The following TLL1 variants were observed in gnomAD, a reference collection of about 807,000 sequenced individuals.
TLL1 encodes tolloid-like protein 1.
Under a neutral mutation model 128.2 loss-of-function variants are expected in TLL1, and 49 were observed. The ratio of observed to expected loss-of-function variants is 0.38; its 90% CI spans 0.30 to 0.48. The LOEUF (loss-of-function observed/expected upper bound fraction) is 0.48. Ranked by LOEUF, TLL1 falls within the 20% of genes least tolerant of loss-of-function variation. The pLI is 0.96. For missense variants in TLL1, 1,123 were observed against 1,242.0 expected (o/e 0.90, Z 1.44); for synonymous variants, 454 against 418.8 (o/e 1.08, Z -1.03).
At chr4:165,976,083 ATCAC>A (rs1735872997) in intron 1 of TLL1, among the ~76,000 whole-genome samples, 1 of 149,238 alleles carries the variant, frequency 6.7e-6, no homozygotes, top group African/African-American at 2.5e-5. Flanking sequence ...GATTCCTGCC[ATCAC>A]TACTTATATT....
rs577879032 is a variant in TLL1 at position 166,021,294 on chromosome 4, A to C, written c.1043-4022A>C. On this transcript the variant is annotated intron_variant, in intron 8 of 20. Transcript: ENST00000061240. ...ATGTTTATTCATCTACCCAGCAGAT[A>C]TTCCCTCATTTAGTGAATGGTTGCC... Among the ~76,000 whole-genome samples the C allele has an allele frequency of 2.6e-5, 4 of 151,826 alleles. No individual in the cohort carries two copies. The South Asian group carries it at 8.3e-4, about 32-fold the overall frequency.
intron 1 of TLL1, 78 bp from the exon 2 acceptor site, chr4:165,989,303 A>C (rs113853880): frequency 2.7e-6 from 3 of 1,091,430 alleles, no homozygotes; most frequent in Non-Finnish European, 4.1e-6. Flanking sequence ...TATTTTTAAC[A>C]ATGCTTTTCT....
At chr4:165,894,842 A>T (rs1340378388) in intron 1 of TLL1, among the ~76,000 whole-genome samples, 20 of 142,112 alleles carry the variant, frequency 1.4e-4, no homozygotes, top group African/African-American at 4.9e-4. Flanking sequence ...TCAAATGATG[A>T]GTGTGTGTGT....
chr4:166,026,965 A>G (rs1048679711), intron 9 of TLL1, among the ~76,000 whole-genome samples: 4 of 152,224 alleles, frequency 2.6e-5, no homozygotes, highest in African/African-American at 9.6e-5. Flanking sequence ...AGTATTCACA[A>G]TAGCAAAAAC....
At chr4:165,977,054 T>C (rs1380424047) in intron 1 of TLL1, among the ~76,000 whole-genome samples, 2 of 152,086 alleles carry the variant, frequency 1.3e-5, no homozygotes, top group Non-Finnish European at 2.9e-5. Context: ...TCTTTAACTA[T>C]AACAAAAGAA....
At chr4:165,959,228 G>A (rs979975971) in intron 1 of TLL1, among the ~76,000 whole-genome samples, 1 of 152,064 alleles carries the variant, frequency 6.6e-6, no homozygotes, top group African/African-American at 2.4e-5. Context: ...CTTTAAAGTA[G>A]TTTTTTCCAA....
chr4:165,954,137 C>T lies in TLL1; in HGVS notation c.170-35244C>T, dbSNP rs139106122. On this transcript the variant is annotated intron_variant, in intron 1 of 20. Coordinates refer to ENST00000061240, the MANE Select transcript of TLL1 (RefSeq NM_012464.5). ...CTGGCTTCATTCAAATATTCACTAA[C>T]TGGCTGGATATCAGAATATTGCCAA... 2.7e-3 allele frequency among the ~76,000 whole-genome samples: 408 copies of T among 152,242 alleles called. 6 individuals carry two copies. The highest frequency in any genetic ancestry group is 9.2e-3 in the African/African-American group (383 of 41,550).
chr4:166,037,441 G>A (rs1194335916), intron 9 of TLL1, among the ~76,000 whole-genome samples: 2 of 152,002 alleles, frequency 1.3e-5, no homozygotes, highest in African/African-American at 4.8e-5. Context: ...CTTACAATGA[G>A]GTGAAGAAAA....
intron 19 of TLL1, among the ~76,000 whole-genome samples, chr4:166,094,469 C>T (rs1225030296): frequency 7.0e-6 from 1 of 142,984 alleles, no homozygotes; most frequent in African/African-American, 3.0e-5. Context: ...TTTTATTTCC[C>T]TGTTTCATTC....
intron 12 of TLL1, among the ~76,000 whole-genome samples, chr4:166,047,255 C>T (rs985812389): frequency 6.6e-6 from 1 of 151,530 alleles, no homozygotes; most frequent in Non-Finnish European, 1.5e-5. Context: ...ACCTCCACCT[C>T]CCAGGTTCAA....
chr4:166,026,532 C>T (rs1738499031), intron 9 of TLL1, among the ~76,000 whole-genome samples: 2 of 152,070 alleles, frequency 1.3e-5, no homozygotes, highest in Admixed American at 6.5e-5. Context: ...ACAAAAAATA[C>T]AAAAATTAGC....
intron 9 of TLL1, among the ~76,000 whole-genome samples, chr4:166,026,793 A>G (rs923476513): frequency 6.6e-5 from 10 of 152,214 alleles, no homozygotes; most frequent in Admixed American, 2.0e-4. Flanking sequence ...AACATTTGGG[A>G]AAAAAATTTA....
chr4:165,949,144 AC>A (rs1333372018), intron 1 of TLL1, among the ~76,000 whole-genome samples: 1 of 152,170 alleles, frequency 6.6e-6, no homozygotes, highest in Admixed American at 6.6e-5. Flanking sequence ...GAGACTGGGA[AC>A]ATGAGAAAGA....
chr4:165,992,819 A>G lies in TLL1; in HGVS notation c.296A>G (p.His99Arg). Residue 99 changes from histidine to arginine, a missense_variant, in exon 3 of 21, where the codon CAT becomes CGT. Transcript: ENST00000061240. ...ATTCTTTAAGGTGGACTTGGAGACC[A>G]TGCTATGTCAAAGAAGCGAGGGGCC... ...LGHTTGGLGD[H>R]AMSKKRGALY... The G allele has an allele frequency of 6.2e-7, 1 of 1,613,300 alleles. No individual in the cohort carries two copies. The highest frequency in any genetic ancestry group is 8.5e-7 in the Non-Finnish European group (1 of 1,179,390).
chr4:165,975,710 A>G (rs1735844068), intron 1 of TLL1, among the ~76,000 whole-genome samples: 4 of 152,144 alleles, frequency 2.6e-5, no homozygotes, highest in South Asian at 2.1e-4. Flanking sequence ...AGCTAAAACC[A>G]TAGTCAATGG....
Position 165,873,915 on chromosome 4 carries a change from G to A in TLL1, c.11G>A (p.Gly4Glu). The change falls in exon 1 of 21, where the codon GGA becomes GAA. Residue 4 changes from glycine (G) to glutamate (E), a missense_variant. Gly to Glu is a moderately conservative substitution (Grantham distance 98). Transcript: ENST00000061240. MGLGTLSPRMLVWL... is the reference protein window; with the variant it reads MGLETLSPRMLVWL... ...CTCCGGGGGAGGAGGATGGGGTTGG[G>A]AACGCTTTCCCCGAGGATGCTCGTG... 7 of 1,613,954 alleles carry A rather than the reference G, an allele frequency of 4.3e-6. No homozygotes were observed. The highest frequency in any genetic ancestry group is 5.1e-6 in the Non-Finnish European group (6 of 1,180,022).
intron 1 of TLL1, among the ~76,000 whole-genome samples, chr4:165,926,355 A>G (rs759321776): frequency 3.3e-5 from 5 of 152,232 alleles, no homozygotes; most frequent in African/African-American, 9.6e-5. Flanking sequence ...ACTTGAAGTC[A>G]TGATACTTAA....
chr4:165,967,932 G>T (rs900523209), intron 1 of TLL1, among the ~76,000 whole-genome samples: 3 of 152,166 alleles, frequency 2.0e-5, no homozygotes, highest in Non-Finnish European at 4.4e-5. Flanking sequence ...CCTATTTAAG[G>T]TTTATTTGGA....
intron 1 of TLL1, among the ~76,000 whole-genome samples, chr4:165,959,115 C>G (rs1030407681): frequency 2.6e-5 from 4 of 151,160 alleles, no homozygotes; most frequent in African/African-American, 9.7e-5. Flanking sequence ...GTTACTGTAG[C>G]CTTGTAGTAT....
Sources: allele counts gnomAD v4.1 joint callset (sites outside exome capture counted in the v4.1 genomes callset), GRCh38; gene constraint gnomAD v4.1.1; transcripts MANE v1.5; gene names NCBI Gene and HGNC (gene_info 2026-07-23, HGNC 2026-07-21).